Variants in EPHA6 observed in about 807,000 individuals in gnomAD.
EPHA6 encodes ephrin type-A receptor 6.
EPHA6 carries 50 observed loss-of-function variants against 112.0 expected under a neutral mutation model. The ratio of observed to expected loss-of-function variants is 0.45; its 90% CI spans 0.36 to 0.56. EPHA6 has a LOEUF of 0.56. Ranked by LOEUF, EPHA6 falls within the 20% of genes least tolerant of loss-of-function variation. The probability of loss-of-function intolerance (pLI) is 0.00; values close to 1 mark genes in which losing one functional copy is unlikely to be tolerated. For synonymous variants in EPHA6, 529 were observed against 490.7 expected, an observed-to-expected ratio of 1.08 and a Z score of -1.03; for missense variants, 1,280 against 1,417.4, an observed-to-expected ratio of 0.90 and a Z score of 1.56.
At chr3:96,897,934 C>T (rs994404469) in intron 2 of EPHA6, among the ~76,000 whole-genome samples, 4 of 152,100 alleles carry the variant, frequency 2.6e-5, no homozygotes, top group South Asian at 2.1e-4. Context: ...AACTAGTTAA[C>T]GCTGCTATTT....
At chr3:97,420,604 A>AT (rs538964740) in intron 6 of EPHA6, among the ~76,000 whole-genome samples, 16 of 152,006 alleles carry the variant, frequency 1.1e-4, no homozygotes, top group Non-Finnish European at 1.9e-4. Flanking sequence ...TTTTTAAGTC[A>AT]TTTTTTTCCC....
At chr3:97,597,678 T>C (rs760094073) in intron 12 of EPHA6, among the ~76,000 whole-genome samples, 4 of 152,264 alleles carry the variant, frequency 2.6e-5, no homozygotes, top group Non-Finnish European at 4.4e-5. Flanking sequence ...ACAATGTTTA[T>C]CAATATTTTC....
chr3:97,408,636 G>A (rs181342043), intron 6 of EPHA6, among the ~76,000 whole-genome samples: 6 of 152,096 alleles, frequency 3.9e-5, no homozygotes, highest in Admixed American at 3.3e-4. Flanking sequence ...ATTGGGTGAG[G>A]TCCTTTTCAG....
At chr3:96,922,044 G>T (rs550608237) in intron 2 of EPHA6, among the ~76,000 whole-genome samples, 5 of 152,226 alleles carry the variant, frequency 3.3e-5, no homozygotes, top group African/African-American at 1.2e-4. Context: ...TAGAGAGAGA[G>T]AGAGAGAGAA....
intron 3 of EPHA6, among the ~76,000 whole-genome samples, chr3:97,165,312 A>G (rs927643789): frequency 7.2e-5 from 11 of 152,110 alleles, no homozygotes; most frequent in African/African-American, 2.4e-4. Flanking sequence ...CACTTCAGGG[A>G]CTTGTAACAT....
intron 10 of EPHA6, among the ~76,000 whole-genome samples, chr3:97,512,416 CTT>C (rs1451415149): frequency 6.6e-6 from 1 of 152,062 alleles, no homozygotes; most frequent in East Asian, 1.9e-4. Flanking sequence ...ATTCAGGACA[CTT>C]TTTTAAAATC....
intron 5 of EPHA6, among the ~76,000 whole-genome samples, chr3:97,378,163 C>T (rs181620767): frequency 1.3e-5 from 2 of 152,116 alleles, no homozygotes; most frequent in Non-Finnish European, 2.9e-5. Flanking sequence ...TGTTGCCCTG[C>T]GTCCCAGCCC....
At position 97,070,909 on chromosome 3, in the gene EPHA6, G is replaced by A. The variant is rs758723030; in HGVS notation, c.1114+82916G>A. Among the ~76,000 whole-genome samples, 61 of 151,914 alleles carry A rather than the reference G, an allele frequency of 4.0e-4. 1 individual carries two copies. Among genetic ancestry groups the A allele is most frequent in the Non-Finnish European group, 2.1e-4 (14 of 67,962 alleles). On this transcript the variant is annotated intron_variant, in intron 3 of 17. Coordinates refer to ENST00000389672, the MANE Select transcript of EPHA6 (RefSeq NM_001080448.3). ...GAATTAATTAATAAAGCAGATAAAC[G>A]GTATTATTTAACTGGCCTAACAAGG...
chr3:97,210,393 A>G (rs888701208), intron 3 of EPHA6, among the ~76,000 whole-genome samples: 3 of 152,054 alleles, frequency 2.0e-5, no homozygotes, highest in Admixed American at 2.0e-4. Context: ...CTCACTCACC[A>G]TCACAAGAAC....
intron 3 of EPHA6, among the ~76,000 whole-genome samples, chr3:97,044,425 A>C (rs2045431263): frequency 6.6e-6 from 1 of 152,182 alleles, no homozygotes; most frequent in Admixed American, 6.6e-5. Flanking sequence ...AGGAAGGCTC[A>C]AAACCATTTT....
intron 7 of EPHA6, among the ~76,000 whole-genome samples, chr3:97,455,784 A>G (rs1038442521): frequency 2.0e-5 from 3 of 151,970 alleles, no homozygotes; most frequent in African/African-American, 7.2e-5. Flanking sequence ...TTAAATATGC[A>G]GGGTCTTGAT....
chr3:97,242,644 A>G (rs925633601), intron 4 of EPHA6, among the ~76,000 whole-genome samples: 2 of 151,866 alleles, frequency 1.3e-5, no homozygotes, highest in African/African-American at 4.8e-5. Context: ...GCCACATAGT[A>G]GACACTAAAT....
chr3:97,131,100 G>T (rs1158154817), intron 3 of EPHA6, among the ~76,000 whole-genome samples: 1 of 151,920 alleles, frequency 6.6e-6, no homozygotes, highest in Non-Finnish European at 1.5e-5. Context: ...TAGCAGAGAA[G>T]AAAAAGAACT....
chr3:97,091,315 TA>T (rs2108229964), intron 3 of EPHA6, among the ~76,000 whole-genome samples: 1 of 152,224 alleles, frequency 6.6e-6, no homozygotes, highest in Admixed American at 6.6e-5. Context: ...GAAACAATAT[TA>T]AGACCTACTA....
intron 3 of EPHA6, among the ~76,000 whole-genome samples, chr3:97,192,678 G>T (rs886731391): frequency 6.6e-6 from 1 of 152,040 alleles, no homozygotes; most frequent in African/African-American, 2.4e-5. Flanking sequence ...TACTTATGGG[G>T]TATTACTCAA....
At chr3:97,450,731 AAT>A (rs1397241204) in intron 7 of EPHA6, among the ~76,000 whole-genome samples, 1 of 152,100 alleles carries the variant, frequency 6.6e-6, no homozygotes, top group Non-Finnish European at 1.5e-5. Flanking sequence ...TAGAATATTT[AAT>A]ATGTGCCATA....
intron 7 of EPHA6, 108 bp from the exon 8 acceptor site, chr3:97,475,244 C>T (rs2091335194): frequency 1.3e-6 from 1 of 782,010 alleles, no homozygotes; most frequent in Non-Finnish European, 2.0e-6. Flanking sequence ...GCCAAATATA[C>T]TGAGCTTGGC....
intron 6 of EPHA6, among the ~76,000 whole-genome samples, chr3:97,410,457 A>G (rs1189738966): frequency 6.6e-6 from 1 of 152,078 alleles, no homozygotes; most frequent in Admixed American, 6.6e-5. Flanking sequence ...CTTTACTTCC[A>G]GGAAAGCTAC....
intron 10 of EPHA6, among the ~76,000 whole-genome samples, chr3:97,513,781 T>G (rs1284469377): frequency 6.6e-6 from 1 of 152,024 alleles, no homozygotes; most frequent in African/African-American, 2.4e-5. Context: ...TACCCTGACT[T>G]GATCACTACA....
Sources: allele counts gnomAD v4.1 joint callset (sites outside exome capture counted in the v4.1 genomes callset), GRCh38; gene constraint gnomAD v4.1.1; transcripts MANE v1.5; gene names NCBI Gene and HGNC (gene_info 2026-07-23, HGNC 2026-07-21).